The following RARB variants were observed in gnomAD, a reference collection of about 807,000 sequenced individuals.
RARB encodes the protein retinoic acid receptor beta.
In RARB, 17 loss-of-function variants were observed where a neutral mutation model predicts 51.9. The ratio of observed to expected loss-of-function variants is 0.33; its 90% CI spans 0.22 to 0.49. The LOEUF is 0.49. Ranked by LOEUF, RARB falls within the 20% of genes least tolerant of loss-of-function variation. The probability of loss-of-function intolerance (pLI) is 0.99; values close to 1 mark genes in which losing one functional copy is unlikely to be tolerated. For synonymous variants in RARB, 215 were observed against 195.4 expected (o/e 1.10, Z -0.84); for missense variants, 369 against 550.8 (o/e 0.67, Z 3.30).
At chr3:25,262,287 C>A (rs1200561547) in intron 5 of RARB, among the ~76,000 whole-genome samples, 3 of 152,132 alleles carry the variant, frequency 2.0e-5, no homozygotes, top group Admixed American at 2.0e-4. Flanking sequence ...CAGCCATGAT[C>A]CCTCCCAGAA....
intron 2 of RARB, among the ~76,000 whole-genome samples, chr3:24,934,337 A>T (rs9845970): frequency 0.5 from 76,322 of 151,942 alleles, 20,056 homozygotes; most frequent in East Asian, 0.71. Context: ...GCTGAATCAG[A>T]GTAGCCCAGA....
intron 2 of RARB, among the ~76,000 whole-genome samples, chr3:24,908,314 AT>A (rs1398595946): frequency 6.6e-6 from 1 of 152,186 alleles, no homozygotes; most frequent in Admixed American, 6.5e-5. Flanking sequence ...GTAGGTATTT[AT>A]TTTTTGCAAA....
chr3:25,548,115 T>G (rs1699694024), intron 3 of RARB, among the ~76,000 whole-genome samples: 1 of 151,498 alleles, frequency 6.6e-6, no homozygotes, highest in Admixed American at 6.6e-5. Context: ...TTTTTTTTTT[T>G]TTTTGAAGTG....
chr3:25,081,586 C>CATACAT (rs1263944956), intron 3 of RARB, among the ~76,000 whole-genome samples: 1 of 19,638 alleles, frequency 5.1e-5, no homozygotes, highest in African/African-American at 2.1e-4. Flanking sequence ...GCTTCATATA[C>CATACAT]ATATATATAT....
intron 5 of RARB, among the ~76,000 whole-genome samples, chr3:25,267,836 G>A (rs1320074566): frequency 1.3e-5 from 2 of 152,154 alleles, no homozygotes; most frequent in Non-Finnish European, 2.9e-5. Flanking sequence ...TAATGTCACA[G>A]AATTAAGTAC....
chr3:25,210,979 C>A (rs947747020), intron 5 of RARB, among the ~76,000 whole-genome samples: 9 of 152,018 alleles, frequency 5.9e-5, no homozygotes, highest in Non-Finnish European at 2.9e-5. Flanking sequence ...AGTATATTAC[C>A]CTTCTGTGCC....
chr3:25,148,179 T>C (rs932209993), intron 4 of RARB, among the ~76,000 whole-genome samples: 1 of 152,218 alleles, frequency 6.6e-6, no homozygotes, highest in Non-Finnish European at 1.5e-5. Flanking sequence ...TTAAGAGACA[T>C]TAACACCCCA....
chr3:25,498,813 C>T (rs1328064343), intron 2 of RARB, among the ~76,000 whole-genome samples: 1 of 152,114 alleles, frequency 6.6e-6, no homozygotes, highest in Non-Finnish European at 1.5e-5. Flanking sequence ...GGCAGAAGAG[C>T]GATGGAGGTT....
At chr3:25,215,452 T>G (rs1701809477) in intron 5 of RARB, among the ~76,000 whole-genome samples, 1 of 152,164 alleles carries the variant, frequency 6.6e-6, no homozygotes, top group Admixed American at 6.6e-5. Context: ...TCCACAGTAC[T>G]GACCATTCAC....
At chr3:25,363,193 G>A (rs1224818038) in intron 5 of RARB, among the ~76,000 whole-genome samples, 1 of 152,088 alleles carries the variant, frequency 6.6e-6, no homozygotes, top group African/African-American at 2.4e-5. Context: ...AAAGAAAAAT[G>A]TAAAAATTTT....
intron 1 of RARB, among the ~76,000 whole-genome samples, chr3:25,455,640 G>T (rs974310472): frequency 3.3e-5 from 5 of 152,174 alleles, no homozygotes; most frequent in African/African-American, 1.2e-4. Flanking sequence ...CCACTCATGT[G>T]CGCAGTTCAG....
Position 25,067,640 on chromosome 3 carries a change from T to TAAA in RARB, c.-328+7467_-328+7469dup, listed in dbSNP as rs542613203. ...TAGTCCTAGTACCATACCTACCCTG[T>TAAA]AAAAAGTGTTCATTAAATATTTCAA... On this transcript the variant is annotated intron_variant, in intron 3 of 11. Coordinates refer to the RARB transcript ENST00000383772. Among the ~76,000 whole-genome samples the TAAA allele has an allele frequency of 3.3e-4, 50 of 152,332 alleles. No homozygotes were observed. In the East Asian group the frequency reaches 4.4e-3, roughly 14 times the overall value.
At chr3:25,385,038 A>G (rs1706751724) in intron 5 of RARB, among the ~76,000 whole-genome samples, 1 of 152,118 alleles carries the variant, frequency 6.6e-6, no homozygotes, top group South Asian at 2.1e-4. Context: ...TTGTACCCCC[A>G]TGGCCGTAGT....
rs142774912 is a variant in RARB, at chr3:25,447,035, C to T, written c.158-14158C>T. On this transcript the variant is annotated intron_variant, in intron 1 of 7. Coordinates refer to ENST00000330688, the MANE Select transcript of RARB (RefSeq NM_000965.5). ...TAAAAAAAGAAAAAAAAAAACTGAT[C>T]GTGTTAATAATCCTTGCTCTTCACA... 6.6e-5 allele frequency among the ~76,000 whole-genome samples: 10 copies of T among 151,678 alleles called. No individual in the cohort carries two copies. In the East Asian group the frequency reaches 1.2e-3, roughly 18 times the overall value.
At chr3:25,292,921 A>G (rs536284577) in intron 5 of RARB, among the ~76,000 whole-genome samples, 5 of 152,152 alleles carry the variant, frequency 3.3e-5, no homozygotes, top group Non-Finnish European at 7.4e-5. Flanking sequence ...GAAACTGAAG[A>G]CGCTCCCAAA....
intron 5 of RARB, among the ~76,000 whole-genome samples, chr3:25,284,029 C>T (rs943532035): frequency 4.1e-4 from 63 of 152,054 alleles, no homozygotes; most frequent in African/African-American, 1.5e-3. Context: ...TGACTTTTCT[C>T]CTGCTGGCAA....
intron 3 of RARB, among the ~76,000 whole-genome samples, chr3:25,119,908 G>A (rs957056754): frequency 5.3e-5 from 8 of 152,264 alleles, no homozygotes; most frequent in African/African-American, 1.9e-4. Flanking sequence ...TGAGACTGTG[G>A]ACAATCAGGA....
intron 5 of RARB, among the ~76,000 whole-genome samples, chr3:25,334,948 T>C (rs1393467928): frequency 6.6e-6 from 1 of 152,158 alleles, no homozygotes; most frequent in Non-Finnish European, 1.5e-5. Flanking sequence ...TTGTGGAGAA[T>C]GTGAAGATAA....
intron 5 of RARB, among the ~76,000 whole-genome samples, chr3:25,349,974 T>C (rs1705510833): frequency 6.6e-6 from 1 of 152,062 alleles, no homozygotes; most frequent in African/African-American, 2.4e-5. Flanking sequence ...GCTGGGGCCT[T>C]GGTTTTCCTC....
Sources: gnomAD v4.1 joint callset for allele counts (sites outside exome capture counted in the v4.1 genomes callset) on GRCh38, gnomAD v4.1.1 for gene constraint, MANE v1.5 for transcripts, NCBI Gene and HGNC (gene_info 2026-07-23, HGNC 2026-07-21) for gene names.